Variants in WDR17 observed in about 807,000 individuals in gnomAD.
The protein encoded by WDR17 is WD repeat-containing protein 17.
Under a neutral mutation model 161.7 loss-of-function variants are expected in WDR17, and 143 were observed. The observed-to-expected ratio is 0.88, with a 90% CI of 0.77 to 1.02. WDR17 has a LOEUF of 1.02. Ranked by LOEUF, WDR17 falls within the 50% of genes least tolerant of loss-of-function variation. The pLI, the probability that WDR17 is intolerant of heterozygous loss-of-function variation, is 0.00. For missense variants in WDR17, 1,469 were observed against 1,520.9 expected (o/e 0.97, Z 0.57); for synonymous variants, 517 against 515.6 (o/e 1.00, Z -0.04).
intron 12 of WDR17, 133 bp from the exon 13 acceptor site, chr4:176,148,000 A>T: frequency 1.8e-6 from 1 of 561,372 alleles, no homozygotes. Flanking sequence ...AAATGAAGAG[A>T]ACCTTATATC....
In WDR17 at chr4:176,131,702, T is replaced by C. The variant is rs753428302; in HGVS notation, c.1062T>C (p.Asp354=). 2.5e-6 allele frequency: 4 copies of C among 1,612,860 alleles called. No individual in the cohort carries two copies. The Admixed American group carries it at 5.0e-5, about 20-fold the overall frequency. ...TGGATGGTGGAGTTGGACTTTATGATATGGGAGCTAAGAAGTGGGATTTTC... is the reference window on the plus strand; with the variant it reads ...TGGATGGTGGAGTTGGACTTTATGACATGGGAGCTAAGAAGTGGGATTTTC... ...CFLDGGVGLY[D]MGAKKWDFLR... The change falls in exon 7 of 29, where the codon GAT becomes GAC. Residue 354 remains aspartate (D), a synonymous_variant. Transcript: ENST00000508596.
At chr4:176,106,839 T>G (rs1738817672) in intron 1 of WDR17, among the ~76,000 whole-genome samples, 1 of 152,172 alleles carries the variant, frequency 6.6e-6, no homozygotes, top group East Asian at 1.9e-4. Flanking sequence ...TAGGCCTAGC[T>G]ACTTGGGAGT....
rs939953357 is a variant in WDR17, at chr4:176,135,160, T to G, written c.1151T>G (p.Leu384Arg). ...AAATTCAAACCTGACGATCCTAATC[T>G]TTTAGCAACAGCTTCATTTGATGGC... is the stretch of plus-strand genomic sequence containing the variant. ...DCKFKPDDPN[L>R]LATASFDGTI... The change falls in exon 8 of 29, where the codon CTT becomes CGT. Residue 384 changes from leucine to arginine, a missense_variant. Leu to Arg is a moderately radical substitution (Grantham distance 102). Coordinates refer to ENST00000508596, the MANE Select transcript of WDR17 (RefSeq NM_181265.4). 3 of 1,612,256 alleles carry G rather than the reference T, an allele frequency of 1.9e-6. No individual in the cohort carries two copies. Among genetic ancestry groups the G allele is most frequent in the Non-Finnish European group, 2.5e-6 (3 of 1,178,688 alleles).
intron 18 of WDR17, among the ~76,000 whole-genome samples, chr4:176,157,581 AG>A (rs35754322): frequency 0.22 from 33,148 of 152,142 alleles, 3,789 homozygotes; most frequent in South Asian, 0.27. Context: ...CGAATCCTTA[AG>A]AAAGTCAAGT....
intron 7 of WDR17, among the ~76,000 whole-genome samples, chr4:176,132,987 G>T (rs1000004391): frequency 4.6e-5 from 7 of 151,422 alleles, no homozygotes; most frequent in African/African-American, 1.5e-4. Context: ...ACTAAATCTG[G>T]CAGTGGGTCT....
chr4:176,174,793 T>G, intron 26 of WDR17, 75 bp downstream of exon 26: 2 of 841,192 alleles, frequency 2.4e-6, no homozygotes, highest in Non-Finnish European at 3.8e-6. Flanking sequence ...CTAAGTGGAT[T>G]ATACAAAGTA....
intron 1 of WDR17, among the ~76,000 whole-genome samples, chr4:176,082,418 A>G (rs1222246646): frequency 6.6e-6 from 1 of 152,128 alleles, no homozygotes; most frequent in Non-Finnish European, 1.5e-5. Flanking sequence ...TTCGCTTTGT[A>G]AAATATGATT....
chr4:176,174,930 A>G (rs4234875), intron 26 of WDR17, among the ~76,000 whole-genome samples: 148,057 of 152,312 alleles, frequency 0.97, 72,087 homozygotes, highest in East Asian at 1. Flanking sequence ...AACTCCTAGG[A>G]TTTATTGATC....
intron 21 of WDR17, 58 bp from the exon 22 acceptor site, chr4:176,163,096 A>C: frequency 6.3e-7 from 1 of 1,597,080 alleles, no homozygotes; most frequent in Non-Finnish European, 8.6e-7. Flanking sequence ...CTTGGAGGGG[A>C]ATGATGATCC....
chr4:176,134,857 T>C (rs1369259435), intron 7 of WDR17, among the ~76,000 whole-genome samples: 2 of 151,646 alleles, frequency 1.3e-5, no homozygotes, highest in Non-Finnish European at 3.0e-5. Context: ...CTGAACATCT[T>C]TGAGTTTAGT....
intron 11 of WDR17, among the ~76,000 whole-genome samples, chr4:176,143,499 T>TAAAAAAAAA (rs10646644): frequency 7.3e-6 from 1 of 137,140 alleles, no homozygotes; most frequent in African/African-American, 2.7e-5. Context: ...CTTCGTCTCT[T>TAAAAAAAAA]AAAAAAAAAA....
intron 1 of WDR17, among the ~76,000 whole-genome samples, chr4:176,077,053 GA>G (rs1443501163): frequency 2.6e-5 from 4 of 151,196 alleles, no homozygotes; most frequent in East Asian, 3.9e-4. Flanking sequence ...GGAAATACAT[GA>G]AAAAAATAAA....
rs186070201 is a variant in WDR17, at chr4:176,158,978, C to T, written c.2526-1016C>T. ...AGCTATAACAAGAAAATCAAAGTCA[C>T]ATAGTAAAAACATAGCTGTTGAGGA... On this transcript the variant is annotated intron_variant, in intron 18 of 28. Transcript: ENST00000508596. Among the ~76,000 whole-genome samples the T allele has an allele frequency of 3.5e-3, 530 of 152,182 alleles. 4 individuals are homozygous for T. The highest frequency in any genetic ancestry group is 0.012 in the African/African-American group (501 of 41,520).
At chr4:176,167,538 C>T (rs1010851693) in intron 22 of WDR17, among the ~76,000 whole-genome samples, 16 of 141,976 alleles carry the variant, frequency 1.1e-4, no homozygotes, top group Admixed American at 4.4e-4. Flanking sequence ...CCCAGCTACT[C>T]GGGAGGCTGA....
At chr4:176,113,754 A>T (rs1304814651) in intron 2 of WDR17, among the ~76,000 whole-genome samples, 1 of 152,010 alleles carries the variant, frequency 6.6e-6, no homozygotes, top group African/African-American at 2.4e-5. Flanking sequence ...TCAAAGTCTG[A>T]TAATCGGTCA....
intron 1 of WDR17, among the ~76,000 whole-genome samples, chr4:176,071,253 C>A (rs1393160185): frequency 6.6e-6 from 1 of 151,774 alleles, no homozygotes; most frequent in Non-Finnish European, 1.5e-5. Context: ...AGTGTTCTCG[C>A]AATGGAATAT....
intron 1 of WDR17, among the ~76,000 whole-genome samples, chr4:176,089,823 T>C (rs1483535729): frequency 6.6e-6 from 1 of 152,084 alleles, no homozygotes; most frequent in Non-Finnish European, 1.5e-5. Context: ...TGGTGATTTT[T>C]CCCTGGTTCC....
At chr4:176,068,725 A>C (rs1328357227) in intron 1 of WDR17, among the ~76,000 whole-genome samples, 1 of 152,198 alleles carries the variant, frequency 6.6e-6, no homozygotes, top group African/African-American at 2.4e-5. Flanking sequence ...ACTTTTTGAT[A>C]CCCAAGACTG....
chr4:176,134,870 CT>C (rs1466612721), intron 7 of WDR17, among the ~76,000 whole-genome samples: 1 of 151,576 alleles, frequency 6.6e-6, no homozygotes, highest in Non-Finnish European at 1.5e-5. Flanking sequence ...AGTTTAGTTG[CT>C]GATTTGAGGA....
Sources: gnomAD v4.1 joint callset for allele counts (sites outside exome capture counted in the v4.1 genomes callset) on GRCh38, gnomAD v4.1.1 for gene constraint, MANE v1.5 for transcripts, NCBI Gene and HGNC (gene_info 2026-07-23, HGNC 2026-07-21) for gene names.